Variants in MOB1B observed in about 807,000 individuals in gnomAD.
The protein encoded by MOB1B is MOB kinase activator 1B.
A neutral mutation model predicts 24.4 loss-of-function variants in MOB1B; 19 were observed. The ratio of observed to expected loss-of-function variants is 0.78; its 90% confidence interval spans 0.54 to 1.14. The LOEUF (loss-of-function observed/expected upper bound fraction) is 1.14. MOB1B is among the 50% of genes most tolerant of loss of function. The probability of loss-of-function intolerance (pLI) is 0.00; values close to 1 mark genes in which losing one functional copy is unlikely to be tolerated. For missense variants in MOB1B, 243 were observed against 259.6 expected (o/e 0.94, Z 0.44); for synonymous variants, 76 against 82.1 (o/e 0.93, Z 0.40).
intron 1 of MOB1B, among the ~76,000 whole-genome samples, chr4:70,921,796 C>T (rs1022592872): frequency 1.3e-5 from 2 of 152,054 alleles, no homozygotes; most frequent in East Asian, 1.9e-4. Context: ...CGTGAGCCAC[C>T]GTGCCTGGCC....
chr4:70,924,059 G>A (rs1465764184), intron 1 of MOB1B, among the ~76,000 whole-genome samples: 1 of 151,922 alleles, frequency 6.6e-6, no homozygotes, highest in Non-Finnish European at 1.5e-5. Context: ...TGGGGGAAAG[G>A]TATTTTAAGG....
chr4:70,925,135 C>G (rs1736597652), intron 1 of MOB1B, among the ~76,000 whole-genome samples: 1 of 152,140 alleles, frequency 6.6e-6, no homozygotes, highest in African/African-American at 2.4e-5. Context: ...CCTCCACCTC[C>G]TGGGTTCAAG....
Position 70,975,159 on chromosome 4 carries a change from G to A in MOB1B, c.282G>A (p.Glu94=), listed in dbSNP as rs1243852574. 7.5e-6 allele frequency: 12 copies of A among 1,603,194 alleles called. No homozygotes were observed. Among genetic ancestry groups the A allele is most frequent in the Non-Finnish European group, 9.4e-6 (11 of 1,176,112 alleles). ...TTTTATCTCTCCAATGCAGATATGAGTATCATTGGGCAGATGGAACGAACA... is the reference window on the plus strand; with the variant it reads ...TTTTATCTCTCCAATGCAGATATGAATATCATTGGGCAGATGGAACGAACA... ...CPVMSAGPKY[E]YHWADGTNIK... is the part of the protein sequence containing the mutation. The change falls in exon 4 of 6, where the codon GAG becomes GAA. Residue 94 remains glutamate (E), a synonymous_variant. Coordinates refer to ENST00000309395, the MANE Select transcript of MOB1B (RefSeq NM_173468.4).
intron 1 of MOB1B, among the ~76,000 whole-genome samples, chr4:70,949,251 T>C (rs1737699131): frequency 6.6e-6 from 1 of 152,170 alleles, no homozygotes; most frequent in Admixed American, 6.5e-5. Context: ...CACTTAATGG[T>C]AACAATAGTA....
At chr4:70,934,468 T>C (rs1737005553) in intron 1 of MOB1B, among the ~76,000 whole-genome samples, 1 of 151,882 alleles carries the variant, frequency 6.6e-6, no homozygotes, top group Non-Finnish European at 1.5e-5. Flanking sequence ...TTTTTTTTCT[T>C]TTGAGACCGA....
At chr4:70,942,925 G>A (rs943028184) in intron 1 of MOB1B, 5 of 576,458 alleles carry the variant, frequency 8.7e-6, no homozygotes, top group Admixed American at 6.3e-5. Flanking sequence ...TAAGAGCATT[G>A]TGGCAGTATT....
At chr4:70,910,166 G>C (rs1685474774) in intron 1 of MOB1B, among the ~76,000 whole-genome samples, 1 of 151,674 alleles carries the variant, frequency 6.6e-6, no homozygotes, top group African/African-American at 2.4e-5. Flanking sequence ...TCCGCCTGCT[G>C]AGTAGCTGGG....
At chr4:70,957,259 CAAA>C (rs1247828205) in intron 1 of MOB1B, among the ~76,000 whole-genome samples, 1,593 of 63,504 alleles carry the variant, frequency 0.025, 20 homozygotes, top group African/African-American at 0.066. Flanking sequence ...GACTATGTCT[CAAA>C]AAAAAAAAAA....
At position 70,987,497 on chromosome 4, in the gene MOB1B, G is replaced by C. The variant is rs1739417923; in HGVS notation, c.*5440G>C. The stretch of plus-strand genomic sequence containing the variant: ...CGACAGAAATGACTTTTTAGGGAAA[G>C]TAGTTTTTTTGGAGCTACTAACTTG... On this transcript the variant is annotated 3_prime_UTR_variant, in exon 6 of 6. Coordinates refer to ENST00000309395, the MANE Select transcript of MOB1B (RefSeq NM_173468.4). 1 of 152,100 alleles carries C rather than the reference G, an allele frequency of 6.6e-6. No individual in the cohort carries two copies. The highest frequency in any genetic ancestry group is 1.5e-5 in the Non-Finnish European group (1 of 67,968). The allele number at this position is 152,100 out of a possible 1,614,324, so 9.4% of individuals were successfully genotyped here. A position where few individuals can be genotyped will look rare whatever the true frequency, so the allele number is the denominator to read the frequency against.
At chr4:70,908,316 C>T (rs546171014) in intron 1 of MOB1B, among the ~76,000 whole-genome samples, 1 of 149,382 alleles carries the variant, frequency 6.7e-6, no homozygotes, top group South Asian at 2.1e-4. Context: ...GCATGAGCCA[C>T]TGTGCCCGGC....
intron 1 of MOB1B, among the ~76,000 whole-genome samples, chr4:70,955,967 C>A (rs1271030210): frequency 1.3e-5 from 2 of 151,618 alleles, no homozygotes; most frequent in African/African-American, 4.8e-5. Flanking sequence ...AAACTGCTGC[C>A]CTCTAGCAAT....
At chr4:70,952,351 G>T (rs1356087340) in intron 1 of MOB1B, among the ~76,000 whole-genome samples, 3 of 151,826 alleles carry the variant, frequency 2.0e-5, no homozygotes. Flanking sequence ...CTGTGTAAAA[G>T]CAAATAAAAA....
intron 5 of MOB1B, among the ~76,000 whole-genome samples, chr4:70,979,785 C>G (rs1447441470): frequency 6.6e-6 from 1 of 152,126 alleles, no homozygotes; most frequent in Non-Finnish European, 1.5e-5. Flanking sequence ...AAATATGTCA[C>G]AAAGAATGTT....
chr4:70,956,050 A>G (rs1330901953), intron 1 of MOB1B, among the ~76,000 whole-genome samples: 3 of 151,870 alleles, frequency 2.0e-5, no homozygotes, highest in Non-Finnish European at 4.4e-5. Flanking sequence ...ATATTTTTAT[A>G]ATTATATTTT....
At chr4:70,960,171 C>T (rs1169371117) in intron 2 of MOB1B, among the ~76,000 whole-genome samples, 1 of 152,030 alleles carries the variant, frequency 6.6e-6, no homozygotes, top group Non-Finnish European at 1.5e-5. Flanking sequence ...TGTGAGCTAC[C>T]ACGCCCGGCC....
chr4:70,908,166 C>T (rs1323420650), intron 1 of MOB1B, among the ~76,000 whole-genome samples: 1 of 151,472 alleles, frequency 6.6e-6, no homozygotes, highest in East Asian at 2.0e-4. Context: ...GCTGGGACTA[C>T]AGGCACCCAC....
chr4:70,979,352 GTAAATA>G, intron 5 of MOB1B, 61 bp downstream of exon 5: 1 of 1,283,090 alleles, frequency 7.8e-7, no homozygotes, highest in South Asian at 1.3e-5. Flanking sequence ...TAGTTCTAAG[GTAAATA>G]CTGTATTCAC....
At chr4:70,936,151 G>A (rs746506149) in intron 1 of MOB1B, among the ~76,000 whole-genome samples, 1 of 151,518 alleles carries the variant, frequency 6.6e-6, no homozygotes, top group Non-Finnish European at 1.5e-5. Context: ...GCGCCCGGCC[G>A]GTACACTAAT....
At chr4:70,902,635 C>T in intron 1 of MOB1B, 85 bp downstream of exon 1, 3 of 1,336,918 alleles carry the variant, frequency 2.2e-6, no homozygotes, top group Non-Finnish European at 3.0e-6. Context: ...CGCCCGCCCT[C>T]GTCCCGACCC....
Sources: allele counts gnomAD v4.1 joint callset (sites outside exome capture counted in the v4.1 genomes callset), GRCh38; gene constraint gnomAD v4.1.1; transcripts MANE v1.5; gene names NCBI Gene and HGNC (gene_info 2026-07-23, HGNC 2026-07-21).